The following ROR1 variants were observed in gnomAD, a reference collection of about 807,000 sequenced individuals.
The protein encoded by ROR1 is inactive tyrosine-protein kinase transmembrane receptor ROR1.
Under a neutral mutation model 78.8 loss-of-function variants are expected in ROR1, and 19 were observed. The ratio of observed to expected loss-of-function variants is 0.24; its 90% CI spans 0.17 to 0.35. The LOEUF is 0.35. Ranked by LOEUF, ROR1 falls within the 10% of genes least tolerant of loss-of-function variation. The pLI, the probability that ROR1 is intolerant of heterozygous loss-of-function variation, is 1.00. For synonymous variants in ROR1, 386 were observed against 433.6 expected (o/e 0.89, Z 1.36); for missense variants, 917 against 1,177.8 (o/e 0.78, Z 3.24).
chr1:63,835,520 A>G (rs1645014533), intron 1 of ROR1, among the ~76,000 whole-genome samples: 1 of 152,168 alleles, frequency 6.6e-6, no homozygotes, highest in Admixed American at 6.5e-5. Flanking sequence ...CATTTTTCCA[A>G]CAAACGTATT....
chr1:64,156,758 AACT>A (rs892393310), intron 7 of ROR1, among the ~76,000 whole-genome samples: 1 of 151,768 alleles, frequency 6.6e-6, no homozygotes, highest in Non-Finnish European at 1.5e-5. Flanking sequence ...CATTTGGCAA[AACT>A]TCAGTGTTAT....
chr1:63,987,711 C>G (rs1646263644), intron 1 of ROR1, among the ~76,000 whole-genome samples: 1 of 152,160 alleles, frequency 6.6e-6, no homozygotes, highest in Non-Finnish European at 1.5e-5. Flanking sequence ...CGCCACTTGG[C>G]TGGAGCAACT....
chr1:64,095,072 G>A (rs1431481913), intron 4 of ROR1: 1 of 152,128 alleles, frequency 6.6e-6, no homozygotes, highest in Non-Finnish European at 1.5e-5. Flanking sequence ...TCAGCAATCA[G>A]TTATTCCAGT....
intron 1 of ROR1, among the ~76,000 whole-genome samples, chr1:63,971,686 T>C (rs1265729834): frequency 4.6e-5 from 7 of 152,202 alleles, no homozygotes; most frequent in African/African-American, 1.7e-4. Flanking sequence ...TTTAAAGCCC[T>C]TCATTGTCTA....
chr1:63,788,992 G>A (rs1319387612), intron 1 of ROR1: 9 of 649,338 alleles, frequency 1.4e-5, no homozygotes, highest in Non-Finnish European at 2.3e-5. Flanking sequence ...CTTCTGAGCA[G>A]CCAGCACAGA....
intron 1 of ROR1, among the ~76,000 whole-genome samples, chr1:63,990,751 T>TA (rs913267309): frequency 2.0e-5 from 3 of 151,986 alleles, no homozygotes; most frequent in African/African-American, 7.3e-5. Flanking sequence ...GTGTTTACAT[T>TA]AAAAAAAGGT....
chr1:64,058,000 A>T (rs1426007694), intron 4 of ROR1, among the ~76,000 whole-genome samples: 1 of 152,042 alleles, frequency 6.6e-6, no homozygotes, highest in African/African-American at 2.4e-5. Flanking sequence ...CATTTATTTA[A>T]CTTCTCTAAA....
intron 1 of ROR1, among the ~76,000 whole-genome samples, chr1:63,879,466 G>C (rs560730961): frequency 6.6e-6 from 1 of 152,240 alleles, no homozygotes; most frequent in African/African-American, 2.4e-5. Flanking sequence ...GAGGGCCGAT[G>C]CCACAGACAT....
chr1:63,857,453 C>G (rs1171702862), intron 1 of ROR1, among the ~76,000 whole-genome samples: 2 of 152,070 alleles, frequency 1.3e-5, no homozygotes, highest in East Asian at 3.9e-4. Flanking sequence ...GTGGTATATC[C>G]CAAGTCTGCC....
chr1:64,049,721 A>G lies in ROR1; in HGVS notation c.194A>G (p.Asn65Ser), dbSNP rs1312107782. The change falls in exon 3 of 9, where the codon AAT (asparagine) becomes AGT (serine). Residue 65 changes from asparagine to serine, a missense_variant. By Grantham distance (46) the Asn-to-Ser change is conservative (BLOSUM62 1). This residue lies in a region of ROR1 where 19 missense variants were observed against 50.9 expected (regional missense o/e 0.37). Transcript: ENST00000371079. ...TACCTGACCCTCGATGAACCAATGAATAACATCACCACGTCTCTGGGCCAG... is the reference window on the plus strand; with the variant it reads ...TACCTGACCCTCGATGAACCAATGAGTAACATCACCACGTCTCTGGGCCAG... ...DSYLTLDEPMNNITTSLGQTA... is the reference protein window; with the variant it reads ...DSYLTLDEPMSNITTSLGQTA... The G allele has an allele frequency of 1.9e-6, 3 of 1,614,028 alleles. No homozygotes were observed. Among genetic ancestry groups the G allele is most frequent in the Non-Finnish European group, 2.5e-6 (3 of 1,179,988 alleles).
At chr1:64,020,411 A>G (rs561854470) in intron 2 of ROR1, among the ~76,000 whole-genome samples, 1 of 152,330 alleles carries the variant, frequency 6.6e-6, no homozygotes, top group East Asian at 1.9e-4. Context: ...CTGGCTGAAG[A>G]TACAAAAATG....
intron 1 of ROR1, among the ~76,000 whole-genome samples, chr1:63,848,519 T>G (rs772030771): frequency 2.0e-5 from 3 of 152,328 alleles, no homozygotes; most frequent in Non-Finnish European, 4.4e-5. Context: ...AATTAATATT[T>G]TAATAACATA....
intron 1 of ROR1, among the ~76,000 whole-genome samples, chr1:63,821,701 A>C (rs1644924391): frequency 6.6e-6 from 1 of 152,184 alleles, no homozygotes; most frequent in African/African-American, 2.4e-5. Flanking sequence ...CAGCGTTTGC[A>C]GTTATGAGGA....
At chr1:64,026,018 AT>A (rs755843928) in intron 2 of ROR1, among the ~76,000 whole-genome samples, 1 of 152,174 alleles carries the variant, frequency 6.6e-6, no homozygotes. Context: ...TATGGAAATA[AT>A]TTTTTAAGTG....
intron 1 of ROR1, among the ~76,000 whole-genome samples, chr1:63,866,567 A>C (rs1317754923): frequency 6.6e-6 from 1 of 152,210 alleles, no homozygotes; most frequent in Non-Finnish European, 1.5e-5. Flanking sequence ...ATTTAGGAGA[A>C]GAAAGCTTTC....
At chr1:63,976,070 G>A (rs942141355) in intron 1 of ROR1, among the ~76,000 whole-genome samples, 4 of 152,160 alleles carry the variant, frequency 2.6e-5, no homozygotes, top group Admixed American at 1.3e-4. Context: ...GGAATTTACA[G>A]TCCTTTAGAG....
chr1:64,147,039 A>T (rs1203162799), intron 7 of ROR1, among the ~76,000 whole-genome samples: 2 of 152,192 alleles, frequency 1.3e-5, no homozygotes, highest in Non-Finnish European at 2.9e-5. Flanking sequence ...GCTATCTCTC[A>T]TTTGAAGATT....
At chr1:64,161,831 A>C (rs1307657563) in intron 8 of ROR1, among the ~76,000 whole-genome samples, 1 of 151,914 alleles carries the variant, frequency 6.6e-6, no homozygotes, top group Non-Finnish European at 1.5e-5. Context: ...TTTTTCTTAC[A>C]CTTCTAAGGG....
In ROR1 at chr1:64,137,440, G is replaced by A. The variant is rs760676948; in HGVS notation, c.554G>A (p.Arg185His). 28 of 1,613,798 alleles carry A rather than the reference G, an allele frequency of 1.7e-5. 1 individual carries two copies. Among genetic ancestry groups the A allele is most frequent in the South Asian group, 3.3e-5 (3 of 91,060 alleles). ...GIACARFIGNRTVYMESLHMQ... is the reference protein window; with the variant it reads ...GIACARFIGNHTVYMESLHMQ... ...GCATGTGCAAGATTTATTGGCAACC[G>A]CACCGTCTATATGGAGTCTTTGCAC... Residue 185 changes from arginine to histidine, a missense_variant, in exon 5 of 9, where the codon CGC becomes CAC. This residue lies in a region of ROR1 where 835 missense variants were observed against 1,069.8 expected (regional missense o/e 0.78). Transcript: ENST00000371079.
Sources: allele counts gnomAD v4.1 joint callset (sites outside exome capture counted in the v4.1 genomes callset), GRCh38; gene constraint gnomAD v4.1.1; regional missense constraint gnomAD v4.1.1; transcripts MANE v1.5; gene names NCBI Gene and HGNC (gene_info 2026-07-23, HGNC 2026-07-21).